Variants in FRMD4A observed in about 807,000 individuals in gnomAD.
The protein encoded by FRMD4A is FERM domain-containing protein 4A.
In FRMD4A, 29 loss-of-function variants were observed where a neutral mutation model predicts 129.1. The ratio of observed to expected loss-of-function variants is 0.22; its 90% CI spans 0.17 to 0.31. FRMD4A has a LOEUF of 0.31. Ranked by LOEUF, FRMD4A falls within the 10% of genes least tolerant of loss-of-function variation. The pLI, the probability that FRMD4A is intolerant of heterozygous loss-of-function variation, is 1.00. For missense variants in FRMD4A, 1,272 were observed against 1,375.8 expected (o/e 0.92, Z 1.19); for synonymous variants, 634 against 571.6 (o/e 1.11, Z -1.56).
chr10:14,167,677 G>A (rs972069829), intron 2 of FRMD4A, among the ~76,000 whole-genome samples: 4 of 152,042 alleles, frequency 2.6e-5, no homozygotes, highest in African/African-American at 9.7e-5. Context: ...AACAACGTAG[G>A]CAGAGCATGT....
chr10:13,744,605 C>T (rs1415742503), intron 9 of FRMD4A: 1 of 152,158 alleles, frequency 6.6e-6, no homozygotes, highest in Non-Finnish European at 1.5e-5. Flanking sequence ...ATGCTAAGAC[C>T]CACTGCCTTG....
In FRMD4A at chr10:14,048,858, A is replaced by G. The variant is rs139544836; in HGVS notation, c.46-189946T>C. On this transcript the variant is annotated intron_variant, in intron 2 of 24. Coordinates refer to ENST00000357447, the MANE Select transcript of FRMD4A (RefSeq NM_018027.5). Reference sequence around the variant, plus strand: ...AATAGAATAGAATAGAATAGAATAGAATAGAATAGAATAGAATAGAATAGA... The same window carrying G: ...AATAGAATAGAATAGAATAGAATAGGATAGAATAGAATAGAATAGAATAGA... Among the ~76,000 whole-genome samples the G allele has an allele frequency of 7.3e-4, 88 of 120,154 alleles. 1 individual carries two copies. The highest frequency in any genetic ancestry group is 1.2e-3 in the Non-Finnish European group (68 of 54,956). 78.8% of individuals were successfully genotyped at this position (120,154 alleles called of 152,430 possible).
chr10:14,044,138 A>C (rs1389390801), intron 2 of FRMD4A, among the ~76,000 whole-genome samples: 1 of 152,214 alleles, frequency 6.6e-6, no homozygotes, highest in Non-Finnish European at 1.5e-5. Flanking sequence ...CCTTTGGGTC[A>C]TCTTTAACGT....
chr10:13,721,495 T>C (rs1489837935), intron 12 of FRMD4A, among the ~76,000 whole-genome samples: 1 of 151,756 alleles, frequency 6.6e-6, no homozygotes, highest in Non-Finnish European at 1.5e-5. Flanking sequence ...AAAAAAGAAC[T>C]CGATAAGACT....
chr10:13,998,926 C>A (rs967282419), intron 2 of FRMD4A, among the ~76,000 whole-genome samples: 12 of 152,138 alleles, frequency 7.9e-5, no homozygotes, highest in Admixed American at 3.3e-4. Context: ...AGAGTAAAAC[C>A]CAAAGGTCCT....
chr10:14,068,265 T>A (rs1406014662), intron 2 of FRMD4A, among the ~76,000 whole-genome samples: 3 of 152,166 alleles, frequency 2.0e-5, no homozygotes, highest in African/African-American at 7.2e-5. Flanking sequence ...AGAGGCACCA[T>A]CTCTCTGACA....
At chr10:14,166,352 A>G (rs955670918) in intron 2 of FRMD4A, among the ~76,000 whole-genome samples, 3 of 152,078 alleles carry the variant, frequency 2.0e-5, no homozygotes, top group African/African-American at 7.2e-5. Context: ...TTTCATAATG[A>G]TACAAGAAAC....
intron 21 of FRMD4A, 137 bp from the exon 22 acceptor site, chr10:13,657,659 T>G: frequency 7.8e-7 from 1 of 1,278,506 alleles, no homozygotes; most frequent in Non-Finnish European, 1.0e-6. Flanking sequence ...AGCCAGAGTC[T>G]CACTCAGCAG....
intron 2 of FRMD4A, among the ~76,000 whole-genome samples, chr10:13,912,548 A>G (rs1338179580): frequency 5.1e-5 from 4 of 78,720 alleles, no homozygotes; most frequent in African/African-American, 2.1e-4. Context: ...TTTTTTTTTG[A>G]GATGGAGTCT....
chr10:14,269,408 G>C (rs916584062), intron 2 of FRMD4A, among the ~76,000 whole-genome samples: 3 of 152,092 alleles, frequency 2.0e-5, no homozygotes, highest in Non-Finnish European at 4.4e-5. Context: ...CTAAAATCAG[G>C]GTGTCCACTG....
chr10:13,784,725 A>G (rs984925254), intron 5 of FRMD4A, among the ~76,000 whole-genome samples: 7 of 152,196 alleles, frequency 4.6e-5, no homozygotes, highest in Non-Finnish European at 7.4e-5. Context: ...GCGGTGGCTC[A>G]CACCTGTCAT....
At chr10:14,250,893 A>G (rs1321236179) in intron 2 of FRMD4A, among the ~76,000 whole-genome samples, 1 of 152,188 alleles carries the variant, frequency 6.6e-6, no homozygotes, top group Non-Finnish European at 1.5e-5. Context: ...CAGAATGAAA[A>G]ACATAATACG....
intron 5 of FRMD4A, among the ~76,000 whole-genome samples, chr10:13,783,261 A>T (rs2130783493): frequency 6.6e-6 from 1 of 152,372 alleles, no homozygotes; most frequent in Middle Eastern, 3.4e-3. Flanking sequence ...AATTTGTAAG[A>T]ACAAATTCTA....
chr10:13,691,665 T>C (rs1173542836), intron 15 of FRMD4A, among the ~76,000 whole-genome samples: 1 of 152,116 alleles, frequency 6.6e-6, no homozygotes, highest in Non-Finnish European at 1.5e-5. Context: ...GCCCTCCAAG[T>C]GGTTTCGATG....
At chr10:13,746,221 G>C (rs985639476) in intron 9 of FRMD4A, among the ~76,000 whole-genome samples, 1 of 151,758 alleles carries the variant, frequency 6.6e-6, no homozygotes, top group Non-Finnish European at 1.5e-5. Flanking sequence ...TTTTTTGTTT[G>C]TTTGTTTTGA....
At chr10:13,931,583 A>G (rs1044261484) in intron 2 of FRMD4A, among the ~76,000 whole-genome samples, 12 of 152,076 alleles carry the variant, frequency 7.9e-5, no homozygotes, top group Admixed American at 1.3e-4. Context: ...CCTTTGCTCT[A>G]TCCCCTATCC....
At chr10:14,078,411 A>C (rs1250829160) in intron 2 of FRMD4A, among the ~76,000 whole-genome samples, 2 of 152,208 alleles carry the variant, frequency 1.3e-5, no homozygotes, top group Admixed American at 6.5e-5. Context: ...TGTCAAATCT[A>C]ACATTTGTCT....
chr10:13,691,909 G>C (rs2085732798), intron 15 of FRMD4A, among the ~76,000 whole-genome samples: 1 of 152,302 alleles, frequency 6.6e-6, no homozygotes, highest in South Asian at 2.1e-4. Flanking sequence ...TGTAATTCGA[G>C]GTAGGGGTCT....
At chr10:13,805,413 C>T (rs372859339) in intron 4 of FRMD4A, among the ~76,000 whole-genome samples, 1 of 147,830 alleles carries the variant, frequency 6.8e-6, no homozygotes, top group African/African-American at 2.5e-5. Flanking sequence ...TATTTCTAAA[C>T]ACTTTTAAAA....
Sources: allele counts gnomAD v4.1 joint callset (sites outside exome capture counted in the v4.1 genomes callset), GRCh38; gene constraint gnomAD v4.1.1; transcripts MANE v1.5; gene names NCBI Gene and HGNC (gene_info 2026-07-23, HGNC 2026-07-21).